The following PAPPA2 variants were observed in gnomAD, a reference collection of about 807,000 sequenced individuals.
The protein encoded by PAPPA2 is pappalysin 2, also known as pappalysin-2.
A neutral mutation model predicts 176.4 loss-of-function variants in PAPPA2; 86 were observed. The ratio of observed to expected loss-of-function variants is 0.49; its 90% CI spans 0.41 to 0.58. PAPPA2 has a LOEUF of 0.58. PAPPA2 is among the 20% of genes least tolerant of loss of function. PAPPA2 has a pLI of 0.00. For missense variants in PAPPA2, 2,073 were observed against 2,256.9 expected, an observed-to-expected ratio of 0.92 and a Z score of 1.65; for synonymous variants, 809 against 852.2, an observed-to-expected ratio of 0.95 and a Z score of 0.88.
In PAPPA2 at chr1:176,690,443, T is replaced by C. The variant is rs1660062337; in HGVS notation, c.2431+13T>C. The C allele has an allele frequency of 1.2e-6, 2 of 1,609,324 alleles. No homozygotes were observed. Among genetic ancestry groups the C allele is most frequent in the Admixed American group, 1.7e-5 (1 of 59,894 alleles). On this transcript the variant is annotated intron_variant, in intron 5 of 22. Coordinates refer to ENST00000367662, the MANE Select transcript of PAPPA2 (RefSeq NM_020318.3). ...ATGAGCTACACGGGTATCACCACTG[T>C]CTTGTTTTGTTTTCTGTTAAGAATA...
chr1:176,517,677 A>G (rs1334670346), intron 1 of PAPPA2, among the ~76,000 whole-genome samples: 1 of 152,138 alleles, frequency 6.6e-6, no homozygotes, highest in Admixed American at 6.5e-5. Context: ...TAGGTCAGTG[A>G]GTCAGGCATT....
At chr1:176,560,427 C>T (rs763173901) in intron 2 of PAPPA2, among the ~76,000 whole-genome samples, 7 of 152,214 alleles carry the variant, frequency 4.6e-5, no homozygotes, top group South Asian at 2.1e-4. Context: ...GAAGGCGAGA[C>T]GTGGTACCTG....
intron 15 of PAPPA2, among the ~76,000 whole-genome samples, chr1:176,767,768 T>G (rs977074363): frequency 1.3e-5 from 2 of 152,188 alleles, no homozygotes; most frequent in African/African-American, 4.8e-5. Flanking sequence ...GCCAACCACA[T>G]GGCACAGTCA....
intron 2 of PAPPA2, among the ~76,000 whole-genome samples, chr1:176,585,847 A>G (rs1279218656): frequency 6.6e-6 from 1 of 151,862 alleles, no homozygotes; most frequent in African/African-American, 2.4e-5. Flanking sequence ...TCTTTTGTAT[A>G]TTTCTTTATT....
chr1:176,630,571 G>C (rs973034169), intron 3 of PAPPA2, among the ~76,000 whole-genome samples: 1 of 152,078 alleles, frequency 6.6e-6, no homozygotes, highest in African/African-American at 2.4e-5. Flanking sequence ...TTGGAGGGGG[G>C]ACATTGTAGA....
intron 1 of PAPPA2, among the ~76,000 whole-genome samples, chr1:176,526,649 C>A (rs1241695459): frequency 2.0e-5 from 3 of 152,154 alleles, no homozygotes; most frequent in Non-Finnish European, 2.9e-5. Context: ...CAGAGAGCTT[C>A]CCCTGACTAA....
At chr1:176,800,379 C>T (rs1425934444) in intron 21 of PAPPA2, among the ~76,000 whole-genome samples, 2 of 152,144 alleles carry the variant, frequency 1.3e-5, no homozygotes, top group Admixed American at 1.3e-4. Context: ...ACTTAAAAAG[C>T]AAGTCAGAAT....
chr1:176,501,666 G>T (rs1229742983), intron 1 of PAPPA2, among the ~76,000 whole-genome samples: 1 of 152,192 alleles, frequency 6.6e-6, no homozygotes. Flanking sequence ...GAAGAGCCCA[G>T]AGACTCCATT....
chr1:176,636,549 G>C (rs1317716988), intron 3 of PAPPA2, among the ~76,000 whole-genome samples: 2 of 152,096 alleles, frequency 1.3e-5, no homozygotes, highest in African/African-American at 4.8e-5. Context: ...CCTATAAGTT[G>C]AACCTAAATA....
intron 1 of PAPPA2, among the ~76,000 whole-genome samples, chr1:176,549,530 G>A (rs531994080): frequency 1.3e-5 from 2 of 152,292 alleles, no homozygotes; most frequent in African/African-American, 2.4e-5. Flanking sequence ...CCAACGTCAG[G>A]CAGCTGTTGA....
At chr1:176,697,662 G>A (rs1319760560) in intron 7 of PAPPA2, among the ~76,000 whole-genome samples, 1 of 152,040 alleles carries the variant, frequency 6.6e-6, no homozygotes, top group East Asian at 1.9e-4. Flanking sequence ...GAATTTTCTG[G>A]CTTCATAACC....
In PAPPA2 at chr1:176,516,979, G is replaced by A. The variant is rs58262036; in HGVS notation, c.-916-38428G>A. Among the ~76,000 whole-genome samples, 1,300 of 152,208 alleles carry A rather than the reference G, an allele frequency of 8.5e-3. 18 individuals carry two copies. Among genetic ancestry groups the A allele is most frequent in the African/African-American group, 0.03 (1,238 of 41,534 alleles). On this transcript the variant is annotated intron_variant, in intron 1 of 22. Transcript: ENST00000367662. The stretch of plus-strand genomic sequence containing the variant: ...ATCTGGTTCTCCAAGTTTCTGTTCT[G>A]TGATTTCCAGCATGAATGAAACTTA...
rs767323977 is a variant in PAPPA2 at position 176,595,191 on chromosome 1, G to C, written c.1587G>C (p.Val529=). ...LRGEKVIRYQ[V]VNICDDEGLN... is the part of the protein sequence containing the mutation. ...GAGAGAAGGTGATACGCTACCAGGT[G>C]GTGAACATCTGTGATGATGAGGGCC... Residue 529 remains valine (V), a synonymous_variant, in exon 3 of 23, where the codon GTG becomes GTC. Coordinates refer to ENST00000367662, the MANE Select transcript of PAPPA2 (RefSeq NM_020318.3). The C allele has an allele frequency of 2.5e-6, 4 of 1,614,096 alleles. No homozygotes were observed. Among genetic ancestry groups the C allele is most frequent in the Non-Finnish European group, 3.4e-6 (4 of 1,180,054 alleles).
At chr1:176,718,985 C>A (rs1185433700) in intron 12 of PAPPA2, among the ~76,000 whole-genome samples, 1 of 151,830 alleles carries the variant, frequency 6.6e-6, no homozygotes, top group African/African-American at 2.4e-5. Context: ...CTGTTTCCAT[C>A]GGGTACTGAG....
At chr1:176,833,189 A>G (rs1219243071) in intron 21 of PAPPA2, among the ~76,000 whole-genome samples, 2 of 152,140 alleles carry the variant, frequency 1.3e-5, no homozygotes, top group Admixed American at 6.5e-5. Context: ...TACAACTTCA[A>G]CTGTTAGCCG....
rs2102454215 is a variant in PAPPA2, at chr1:176,463,231, CT to C, written c.-1101del. On this transcript the variant is annotated 5_prime_UTR_variant, in exon 1 of 23. Coordinates refer to ENST00000367662, the MANE Select transcript of PAPPA2 (RefSeq NM_020318.3). Reference sequence around the variant, plus strand: ...CCTTTTCTCGGGTGTGTACTTTTTGCTTTGTGATACATCTCTGCACTTTCAG... The same window carrying C: ...CCTTTTCTCGGGTGTGTACTTTTTGCTTGTGATACATCTCTGCACTTTCAG... 1 of 152,334 alleles carries C rather than the reference CT, an allele frequency of 6.6e-6. No homozygotes were observed. Among genetic ancestry groups the C allele is most frequent in the Admixed American group, 6.5e-5 (1 of 15,304 alleles). The allele number at this position is 152,334 out of a possible 1,614,324, so 9.4% of individuals were successfully genotyped here. A position where few individuals can be genotyped will look rare whatever the true frequency, so the allele number is the denominator to read the frequency against.
chr1:176,635,968 C>G (rs749987637), intron 3 of PAPPA2, among the ~76,000 whole-genome samples: 93 of 152,098 alleles, frequency 6.1e-4, no homozygotes, highest in Non-Finnish European at 2.2e-4. Flanking sequence ...TCCTGGAAAC[C>G]CAGAACCCAC....
At chr1:176,769,824 G>T in intron 16 of PAPPA2, 40 bp downstream of exon 16, 2 of 1,536,166 alleles carry the variant, frequency 1.3e-6, no homozygotes, top group Non-Finnish European at 1.8e-6. Context: ...CAAGTTCTCT[G>T]CCATCCCTCG....
intron 21 of PAPPA2, among the ~76,000 whole-genome samples, chr1:176,826,971 A>G (rs1310965856): frequency 6.6e-6 from 1 of 152,190 alleles, no homozygotes; most frequent in Non-Finnish European, 1.5e-5. Context: ...ATTTTCAGTG[A>G]TCAAATTATT....
Sources: gnomAD v4.1 joint callset for allele counts (sites outside exome capture counted in the v4.1 genomes callset) on GRCh38, gnomAD v4.1.1 for gene constraint, MANE v1.5 for transcripts, NCBI Gene and HGNC (gene_info 2026-07-23, HGNC 2026-07-21) for gene names.